LDLRAD4: variants seen among roughly 807,000 people sequenced by gnomAD.
The protein encoded by LDLRAD4 is low density lipoprotein receptor class A domain containing 4, also known as low-density lipoprotein receptor class A domain-containing protein 4.
LDLRAD4 carries 5 observed loss-of-function variants against 17.0 expected under a neutral mutation model. The observed-to-expected ratio is 0.29, with a 90% CI of 0.15 to 0.62. The LOEUF (loss-of-function observed/expected upper bound fraction) is 0.62. Ranked by LOEUF, LDLRAD4 falls within the 20% of genes least tolerant of loss-of-function variation. The pLI is 0.84. For missense variants in LDLRAD4, 340 were observed against 424.7 expected (o/e 0.80, Z 1.75); for synonymous variants, 168 against 171.8 (o/e 0.98, Z 0.17).
chr18:13,251,268 A>G (rs1256269322), intron 1 of LDLRAD4, among the ~76,000 whole-genome samples: 1 of 152,242 alleles, frequency 6.6e-6, no homozygotes, highest in Non-Finnish European at 1.5e-5. Flanking sequence ...CACAGCTGAC[A>G]TCGTACTAAA....
At chr18:13,277,937 TC>T (rs2044995999), upstream of LDLRAD4, among the ~76,000 whole-genome samples, 3 of 152,298 alleles carry the variant, frequency 2.0e-5, no homozygotes, top group East Asian at 1.9e-4. Context: ...TCTTCTCTCT[TC>T]CTTCCCTTTA....
rs749961021 is a variant in LDLRAD4 at position 13,398,685 on chromosome 18, C to T, written c.40+10923C>T. Among the ~76,000 whole-genome samples, 4 of 152,022 alleles carry T rather than the reference C, an allele frequency of 2.6e-5. No homozygotes were observed. The highest frequency in any genetic ancestry group is 2.1e-4 in the South Asian group (1 of 4,798). On this transcript the variant is annotated intron_variant, in intron 2 of 5. Coordinates refer to ENST00000359446, the Ensembl canonical transcript of LDLRAD4. This position sits in a 1 kb window ranked among gnomAD's most constrained non-coding sequence, Gnocchi z 4.8. ...CAATGCTCTGTTGATGTGGGTTTGGCGCTCACAGAGAGGATAGGCAGTGTG... is the reference window on the plus strand; with the variant it reads ...CAATGCTCTGTTGATGTGGGTTTGGTGCTCACAGAGAGGATAGGCAGTGTG...
intron 3 of LDLRAD4, among the ~76,000 whole-genome samples, chr18:13,563,729 C>T (rs1377440501): frequency 3.3e-5 from 5 of 152,118 alleles, no homozygotes; most frequent in Non-Finnish European, 7.4e-5. Context: ...AAGTGCCTGG[C>T]AAATGCCTGG....
chr18:13,591,279 A>G (rs2095024103), intron 3 of LDLRAD4, among the ~76,000 whole-genome samples: 1 of 152,214 alleles, frequency 6.6e-6, no homozygotes, highest in Admixed American at 6.5e-5. Flanking sequence ...TTTGCTTTCA[A>G]AGATTTTTTG....
At chr18:13,513,005 C>T (rs1337852258) in intron 3 of LDLRAD4, among the ~76,000 whole-genome samples, 2 of 152,196 alleles carry the variant, frequency 1.3e-5, no homozygotes, top group Non-Finnish European at 2.9e-5. Flanking sequence ...GAAGTTTGGC[C>T]ACAGATGCTA....
At chr18:13,252,487 G>A (rs943444862) in intron 1 of LDLRAD4, among the ~76,000 whole-genome samples, 1 of 152,244 alleles carries the variant, frequency 6.6e-6, no homozygotes, top group African/African-American at 2.4e-5. Flanking sequence ...CGGGGACCCA[G>A]GGTGGGCCAC....
chr18:13,510,208 T>A (rs528347800), intron 3 of LDLRAD4, among the ~76,000 whole-genome samples: 1 of 152,306 alleles, frequency 6.6e-6, no homozygotes, highest in Admixed American at 6.5e-5. Context: ...TGTTTTTGTA[T>A]CTGAACTGCG....
intron 1 of LDLRAD4, among the ~76,000 whole-genome samples, chr18:13,253,100 G>A (rs534728018): frequency 6.6e-6 from 1 of 152,326 alleles, no homozygotes; most frequent in South Asian, 2.1e-4. Context: ...AGATACAAAT[G>A]TGTGATCACA....
At chr18:13,387,753 G>C (rs1319837749) in exon 2 of LDLRAD4, 1 of 1,613,898 alleles carries the variant, frequency 6.2e-7, no homozygotes, top group Non-Finnish European at 8.5e-7. Flanking sequence ...GGCCACAAAT[G>C]CTTTCACAGG....
At chr18:13,635,843 G>C (rs1020327456) in intron 4 of LDLRAD4, among the ~76,000 whole-genome samples, 2 of 152,194 alleles carry the variant, frequency 1.3e-5, no homozygotes, top group African/African-American at 2.4e-5. Context: ...GCTGCCCTTG[G>C]GGGCAACTTC....
chr18:13,270,115 C>T (rs2044444241), intron 1 of LDLRAD4, among the ~76,000 whole-genome samples: 1 of 152,100 alleles, frequency 6.6e-6, no homozygotes, highest in African/African-American at 2.4e-5. Flanking sequence ...GACATCTTAG[C>T]ACTTTGAGAG....
At chr18:13,460,367 G>A (rs1327073593) in intron 3 of LDLRAD4, among the ~76,000 whole-genome samples, 2 of 151,956 alleles carry the variant, frequency 1.3e-5, no homozygotes, top group Non-Finnish European at 2.9e-5. Flanking sequence ...TAATTTTTGT[G>A]TTTTTTGTAG....
intron 3 of LDLRAD4, among the ~76,000 whole-genome samples, chr18:13,478,764 C>T (rs1269484627): frequency 1.3e-5 from 2 of 152,026 alleles, no homozygotes; most frequent in Admixed American, 6.6e-5. Flanking sequence ...TTTTTGGATA[C>T]GGAAAAACTG....
At chr18:13,306,980 TAGA>T (rs1209567784) in intron 1 of LDLRAD4, among the ~76,000 whole-genome samples, 1 of 152,068 alleles carries the variant, frequency 6.6e-6, no homozygotes, top group Admixed American at 6.5e-5. Context: ...GAAAAAAACA[TAGA>T]AGAAGCAGTG....
chr18:13,557,615 T>C (rs2094497481), intron 3 of LDLRAD4, among the ~76,000 whole-genome samples: 1 of 152,208 alleles, frequency 6.6e-6, no homozygotes, highest in South Asian at 2.1e-4. Flanking sequence ...TTAGCCAGAA[T>C]GGTCTCGATC....
chr18:13,223,310 A>G (rs2041566346), intron 1 of LDLRAD4, among the ~76,000 whole-genome samples: 1 of 152,228 alleles, frequency 6.6e-6, no homozygotes, highest in South Asian at 2.1e-4. Context: ...CTTGAGAGAA[A>G]GAAATTCTTC....
intron 3 of LDLRAD4, chr18:13,465,214 G>C (rs1392404554): frequency 6.6e-6 from 1 of 152,106 alleles, no homozygotes; most frequent in South Asian, 2.1e-4. Context: ...TCTGTGCATC[G>C]GCTCAGGCAC....
chr18:13,307,571 A>AC (rs1021519059), intron 1 of LDLRAD4, among the ~76,000 whole-genome samples: 3 of 151,590 alleles, frequency 2.0e-5, no homozygotes, highest in African/African-American at 7.3e-5. Context: ...GCATGTCACC[A>AC]CTCCTGACTA....
At chr18:13,479,750 C>T (rs2093037546) in intron 3 of LDLRAD4, among the ~76,000 whole-genome samples, 2 of 151,980 alleles carry the variant, frequency 1.3e-5, no homozygotes, top group Non-Finnish European at 2.9e-5. Context: ...AGAAAAAAAC[C>T]TGATTAAAAA....
Sources: allele counts gnomAD v4.1 joint callset (sites outside exome capture counted in the v4.1 genomes callset), GRCh38; gene constraint gnomAD v4.1.1; non-coding constraint Gnocchi (gnomAD v3.1); transcripts MANE v1.5; gene names NCBI Gene and HGNC (gene_info 2026-07-23, HGNC 2026-07-21).